The following BAZ2B variants were observed in gnomAD, a reference collection of about 807,000 sequenced individuals.
BAZ2B encodes bromodomain adjacent to zinc finger domain 2B.
BAZ2B carries 91 observed loss-of-function variants against 246.0 expected under a neutral mutation model. That is an observed-to-expected ratio of 0.37 (90% CI 0.31 to 0.44). The LOEUF is 0.44. Ranked by LOEUF, BAZ2B falls within the 20% of genes least tolerant of loss-of-function variation. The pLI, the probability that BAZ2B is intolerant of heterozygous loss-of-function variation, is 1.00. For synonymous variants in BAZ2B, 855 were observed against 860.0 expected (o/e 0.99, Z 0.10); for missense variants, 2,332 against 2,533.7 (o/e 0.92, Z 1.71).
chr2:159,325,170 G>T lies in BAZ2B; in HGVS notation c.6210-216C>A, dbSNP rs374712644. On this transcript the variant is annotated intron_variant, in intron 35 of 36. Transcript: ENST00000392783. ...ATATGAGATAGGGTCTTGCTCTATC[G>T]CCCAGACTGGAGCACAGTGGCACCA... Among the ~76,000 whole-genome samples the T allele has an allele frequency of 2.0e-3, 221 of 112,818 alleles. 3 individuals carry two copies. The highest frequency in any genetic ancestry group is 7.3e-3 in the African/African-American group (210 of 28,906). 74.0% of individuals were successfully genotyped at this position (112,818 alleles called of 152,430 possible). A position where few individuals can be genotyped will look rare whatever the true frequency, so the allele number is the denominator to read the frequency against.
intron 31 of BAZ2B, among the ~76,000 whole-genome samples, chr2:159,339,223 G>A (rs950656202): frequency 5.3e-5 from 8 of 151,852 alleles, no homozygotes; most frequent in Non-Finnish European, 1.0e-4. Context: ...CGTCCCTGCC[G>A]CCAACCACTC....
chr2:159,334,214 T>C (rs1218640756), intron 33 of BAZ2B, among the ~76,000 whole-genome samples: 2 of 152,196 alleles, frequency 1.3e-5, no homozygotes, highest in African/African-American at 4.8e-5. Context: ...AATTATTTCC[T>C]GATACTTTTA....
intron 20 of BAZ2B, among the ~76,000 whole-genome samples, chr2:159,390,399 G>T (rs1420166467): frequency 6.6e-6 from 1 of 151,672 alleles, no homozygotes; most frequent in Non-Finnish European, 1.5e-5. Flanking sequence ...GCTTATACTG[G>T]TTCACTCCAA....
chr2:159,429,571 T>C (rs549102181), intron 10 of BAZ2B, among the ~76,000 whole-genome samples: 3 of 152,124 alleles, frequency 2.0e-5, no homozygotes, highest in South Asian at 4.1e-4. Context: ...AGGAGAGAAA[T>C]AGAGGTTTCA....
At chr2:159,390,560 C>T (rs1376187714) in intron 20 of BAZ2B, among the ~76,000 whole-genome samples, 1 of 152,074 alleles carries the variant, frequency 6.6e-6, no homozygotes, top group Admixed American at 6.6e-5. Flanking sequence ...TTCTAATCAT[C>T]TCCATTTCGA....
chr2:159,405,371 C>T (rs2065763394), intron 14 of BAZ2B, among the ~76,000 whole-genome samples: 1 of 152,074 alleles, frequency 6.6e-6, no homozygotes, highest in Non-Finnish European at 1.5e-5. Context: ...GCCACCACAC[C>T]CAGCTAATTT....
the BAZ2B span, among the ~76,000 whole-genome samples, chr2:159,636,216 T>G: frequency 2.0e-5 from 3 of 152,172 alleles, no homozygotes; most frequent in Non-Finnish European, 2.9e-5. Flanking sequence ...AAAAGTAAGG[T>G]GAGCAATCAC....
intron 1 of BAZ2B, among the ~76,000 whole-genome samples, chr2:159,591,767 G>A (rs1474519475): frequency 6.6e-6 from 1 of 152,054 alleles, no homozygotes; most frequent in Non-Finnish European, 1.5e-5. Flanking sequence ...TCATTTTCCA[G>A]CAAAAATCAC....
chr2:159,609,336 T>G lies in BAZ2B; in HGVS notation c.-46+6906A>C, dbSNP rs1423470516. ...TCTATAGTTTTAGGATTAGCATTATTCTAATCCAGTTATAAAGTCATGCCA... is the reference window on the plus strand; with the variant it reads ...TCTATAGTTTTAGGATTAGCATTATGCTAATCCAGTTATAAAGTCATGCCA... On this transcript the variant is annotated intron_variant, in intron 1 of 36. Transcript: ENST00000392783. 3.3e-5 allele frequency among the ~76,000 whole-genome samples: 5 copies of G among 152,224 alleles called. No homozygotes were observed. In the East Asian group the frequency reaches 9.6e-4, roughly 29 times the overall value.
At position 159,412,473 on chromosome 2, in the gene BAZ2B, T is replaced by C; in HGVS notation, c.2539A>G (p.Arg847Gly). ...RIRAMEGRRG[R>G]PPNPDRQRAR... The stretch of plus-strand genomic sequence containing the variant: ...CGTTGTCTATCTGGATTTGGTGGTC[T>C]TCCTCTACGACCTTCCATTGCCCTG... The change falls in exon 14 of 37, where the codon AGA (arginine) becomes GGA (glycine). Residue 847 changes from arginine to glycine, a missense_variant. Arg to Gly is a moderately radical substitution (Grantham distance 125). This residue lies in a region of BAZ2B where 651 missense variants were observed against 650.9 expected (regional missense o/e 1.00). Transcript: ENST00000392783. The C allele has an allele frequency of 1.9e-6, 3 of 1,614,150 alleles. No homozygotes were observed. Among genetic ancestry groups the C allele is most frequent in the Non-Finnish European group, 2.5e-6 (3 of 1,179,998 alleles).
intron 2 of BAZ2B, chr2:159,516,324 T>A (rs1250426717): frequency 1.3e-5 from 2 of 152,046 alleles, no homozygotes; most frequent in Non-Finnish European, 2.9e-5. Context: ...TCCTTTCGAT[T>A]CAGAGCAGTG....
upstream of BAZ2B, among the ~76,000 whole-genome samples, chr2:159,618,358 A>G (rs551472881): frequency 9.8e-5 from 15 of 152,332 alleles, no homozygotes; most frequent in South Asian, 2.5e-3. Context: ...TAACTACCTA[A>G]TAACTGTAAT....
the BAZ2B span, among the ~76,000 whole-genome samples, chr2:159,655,393 G>A: frequency 3.3e-5 from 5 of 152,124 alleles, no homozygotes; most frequent in African/African-American, 1.2e-4. Context: ...ATCGTCTTCT[G>A]GAGATCACTG....
chr2:159,673,405 T>C, the BAZ2B span, among the ~76,000 whole-genome samples: 1 of 152,194 alleles, frequency 6.6e-6, no homozygotes, highest in Admixed American at 6.5e-5. Context: ...CCATTGCTGG[T>C]GGGATATAAA....
intron 2 of BAZ2B, among the ~76,000 whole-genome samples, chr2:159,517,722 C>T (rs377075268): frequency 9.9e-5 from 15 of 152,020 alleles, no homozygotes; most frequent in Non-Finnish European, 1.8e-4. Flanking sequence ...ACAAAAAGAA[C>T]ACCCAGGAGA....
intron 34 of BAZ2B, among the ~76,000 whole-genome samples, chr2:159,329,616 T>C (rs1558966682): frequency 6.6e-6 from 1 of 152,208 alleles, no homozygotes; most frequent in Non-Finnish European, 1.5e-5. Flanking sequence ...AAGGTGTATG[T>C]ATAGTATAAA....
chr2:159,464,032 G>C (rs1294155443), intron 3 of BAZ2B: 1 of 151,976 alleles, frequency 6.6e-6, no homozygotes, highest in Non-Finnish European at 1.5e-5. Flanking sequence ...GTTATTTTGA[G>C]ATTATTTTGA....
chr2:159,544,484 G>A (rs2087060467), intron 2 of BAZ2B, among the ~76,000 whole-genome samples: 1 of 152,068 alleles, frequency 6.6e-6, no homozygotes, highest in South Asian at 2.1e-4. Context: ...ACTAATACAG[G>A]GAATATATAA....
At chr2:159,475,944 C>T (rs2078488453) in intron 3 of BAZ2B, among the ~76,000 whole-genome samples, 1 of 152,094 alleles carries the variant, frequency 6.6e-6, no homozygotes, top group Non-Finnish European at 1.5e-5. Context: ...CTGCCAGATG[C>T]CAGCCAGAGC....
Sources: allele counts gnomAD v4.1 joint callset (sites outside exome capture counted in the v4.1 genomes callset), GRCh38; gene constraint gnomAD v4.1.1; regional missense constraint gnomAD v4.1.1; transcripts MANE v1.5; gene names NCBI Gene and HGNC (gene_info 2026-07-23, HGNC 2026-07-21).